The following TBC1D5 variants were observed in gnomAD, a reference collection of about 807,000 sequenced individuals.
The protein encoded by TBC1D5 is TBC1 domain family, member 5.
TBC1D5 carries 75 observed loss-of-function variants against 100.3 expected under a neutral mutation model. That is an observed-to-expected ratio of 0.75 (90% CI 0.62 to 0.91). TBC1D5 has a LOEUF of 0.91. Among genes scored for constraint, TBC1D5 ranks in the 40% least tolerant of loss-of-function variants. The pLI is 0.00. For missense variants in TBC1D5, 910 were observed against 942.4 expected (o/e 0.97, Z 0.45); for synonymous variants, 323 against 325.6 (o/e 0.99, Z 0.09).
intron 1 of TBC1D5, among the ~76,000 whole-genome samples, chr3:17,648,895 C>T (rs1480221456): frequency 6.6e-6 from 1 of 152,166 alleles, no homozygotes; most frequent in African/African-American, 2.4e-5. Flanking sequence ...TACATTAGTT[C>T]AACCATCATG....
chr3:17,703,448 T>G (rs1177846807), intron 1 of TBC1D5, among the ~76,000 whole-genome samples: 7 of 152,242 alleles, frequency 4.6e-5, no homozygotes, highest in Admixed American at 4.6e-4. Flanking sequence ...ATTAATATAC[T>G]TTATAAGTAG....
intron 18 of TBC1D5, among the ~76,000 whole-genome samples, chr3:17,205,218 G>A (rs988682626): frequency 6.6e-6 from 1 of 152,130 alleles, no homozygotes; most frequent in African/African-American, 2.4e-5. Flanking sequence ...TAAACAAGAA[G>A]AGATTACATA....
chr3:17,694,485 G>T (rs142506341), intron 1 of TBC1D5, among the ~76,000 whole-genome samples: 25 of 152,166 alleles, frequency 1.6e-4, no homozygotes, highest in African/African-American at 5.8e-4. Context: ...TCAACTAGAA[G>T]AAAGGGTATC....
At chr3:17,591,259 A>AG (rs1486445636) in intron 2 of TBC1D5, among the ~76,000 whole-genome samples, 1 of 117,012 alleles carries the variant, frequency 8.5e-6, no homozygotes, top group Non-Finnish European at 1.8e-5. Flanking sequence ...AAAAAAAAAA[A>AG]AAAAAAACAA....
At chr3:17,323,237 G>A (rs1367244153) in intron 13 of TBC1D5, among the ~76,000 whole-genome samples, 5 of 152,120 alleles carry the variant, frequency 3.3e-5, no homozygotes, top group Admixed American at 3.3e-4. Context: ...AACTCTTTTT[G>A]AAGATATGAG....
chr3:17,346,249 C>T (rs1322557076), intron 13 of TBC1D5, among the ~76,000 whole-genome samples: 1 of 152,082 alleles, frequency 6.6e-6, no homozygotes, highest in Non-Finnish European at 1.5e-5. Context: ...TTCCATGAAA[C>T]CTTCCAAATA....
intron 7 of TBC1D5, among the ~76,000 whole-genome samples, chr3:17,404,283 T>C (rs1475991671): frequency 6.6e-6 from 1 of 152,040 alleles, no homozygotes; most frequent in Non-Finnish European, 1.5e-5. Flanking sequence ...AACTTCTTCA[T>C]AGACTCACTA....
intron 21 of TBC1D5, among the ~76,000 whole-genome samples, chr3:17,165,723 A>C (rs2066524859): frequency 6.6e-6 from 1 of 152,264 alleles, no homozygotes; most frequent in South Asian, 2.1e-4. Flanking sequence ...ATATTTTGCT[A>C]ATGTTCATTT....
intron 1 of TBC1D5, among the ~76,000 whole-genome samples, chr3:17,659,866 C>A (rs2066475408): frequency 6.6e-6 from 1 of 152,034 alleles, no homozygotes; most frequent in Non-Finnish European, 1.5e-5. Flanking sequence ...AGTCATTAAA[C>A]CTTTCAATAT....
At chr3:17,590,319 G>A (rs1380343145) in intron 2 of TBC1D5, among the ~76,000 whole-genome samples, 2 of 152,196 alleles carry the variant, frequency 1.3e-5, no homozygotes, top group East Asian at 3.9e-4. Context: ...TAGGGACTCT[G>A]CATTTAGTGT....
At chr3:17,178,233 T>G (rs1209271381) in intron 19 of TBC1D5, among the ~76,000 whole-genome samples, 2 of 151,898 alleles carry the variant, frequency 1.3e-5, no homozygotes, top group Non-Finnish European at 2.9e-5. Flanking sequence ...GCCTGGCTAA[T>G]TTTTTGTATT....
chr3:17,648,969 A>G (rs1404197212), intron 1 of TBC1D5, among the ~76,000 whole-genome samples: 1 of 152,196 alleles, frequency 6.6e-6, no homozygotes, highest in African/African-American at 2.4e-5. Context: ...CAGCAATCCC[A>G]TTACTGGGTA....
intron 2 of TBC1D5, among the ~76,000 whole-genome samples, chr3:17,586,862 A>G (rs1166951396): frequency 1.3e-5 from 2 of 152,214 alleles, no homozygotes; most frequent in East Asian, 3.9e-4. Flanking sequence ...CTCTTACTTC[A>G]TTTAACTTTG....
chr3:17,260,818 ATATTT>A (rs1212558431), intron 15 of TBC1D5, among the ~76,000 whole-genome samples: 1 of 152,240 alleles, frequency 6.6e-6, no homozygotes, highest in Non-Finnish European at 1.5e-5. Context: ...ACTAAATGTG[ATATTT>A]TATTTAATTC....
At chr3:17,677,761 G>A (rs2068838545) in intron 1 of TBC1D5, among the ~76,000 whole-genome samples, 1 of 152,136 alleles carries the variant, frequency 6.6e-6, no homozygotes, top group African/African-American at 2.4e-5. Context: ...GTCCAACAAT[G>A]ACAGACTGAA....
At chr3:17,560,330 A>G (rs1251936411) in intron 2 of TBC1D5, among the ~76,000 whole-genome samples, 3 of 152,200 alleles carry the variant, frequency 2.0e-5, no homozygotes, top group Non-Finnish European at 4.4e-5. Flanking sequence ...TTCAAAGGCA[A>G]ATATAGTCCA....
chr3:17,639,051 A>C (rs2064242355), intron 1 of TBC1D5, among the ~76,000 whole-genome samples: 1 of 152,182 alleles, frequency 6.6e-6, no homozygotes, highest in African/African-American at 2.4e-5. Flanking sequence ...TATTCACACA[A>C]AGACTTGAGC....
chr3:17,591,255 A>AAAAAC (rs2096768457), intron 2 of TBC1D5, among the ~76,000 whole-genome samples: 1 of 127,118 alleles, frequency 7.9e-6, no homozygotes, highest in Non-Finnish European at 1.7e-5. Context: ...AAAAAAAAAA[A>AAAAAC]AAAAAAAAAA....
chr3:17,494,236 T>C (rs1024975694), intron 3 of TBC1D5, among the ~76,000 whole-genome samples: 4 of 152,108 alleles, frequency 2.6e-5, no homozygotes, highest in African/African-American at 9.7e-5. Context: ...CCGGCACCTG[T>C]AGGCATCACC....
Sources: gnomAD v4.1 joint callset for allele counts (sites outside exome capture counted in the v4.1 genomes callset) on GRCh38, gnomAD v4.1.1 for gene constraint, MANE v1.5 for transcripts, NCBI Gene and HGNC (gene_info 2026-07-23, HGNC 2026-07-21) for gene names.